SLC35F3: variants seen among roughly 807,000 people sequenced by gnomAD.
SLC35F3 encodes solute carrier family 35 member F3, also known as putative thiamine transporter SLC35F3.
In SLC35F3, 25 loss-of-function variants were observed where a neutral mutation model predicts 49.9. The ratio of observed to expected loss-of-function variants is 0.50; its 90% confidence interval spans 0.37 to 0.70. The LOEUF is 0.70. SLC35F3 is among the 30% of genes least tolerant of loss of function. The pLI is 0.00. For missense variants in SLC35F3, 525 were observed against 639.8 expected, an observed-to-expected ratio of 0.82 and a Z score of 1.94; for synonymous variants, 275 against 265.4, an observed-to-expected ratio of 1.04 and a Z score of -0.35.
At chr1:234,108,724 T>TA (rs1360932473) in intron 2 of SLC35F3, among the ~76,000 whole-genome samples, 35 of 72,044 alleles carry the variant, frequency 4.9e-4, no homozygotes, top group Middle Eastern at 6.8e-3. Context: ...AAGATATATA[T>TA]AAATATATAT....
intron 2 of SLC35F3, among the ~76,000 whole-genome samples, chr1:234,013,005 C>A (rs1663747470): frequency 6.6e-6 from 1 of 152,162 alleles, no homozygotes; most frequent in Admixed American, 6.5e-5. Context: ...ACGTACAGAA[C>A]ATTTCATCTA....
intron 3 of SLC35F3, among the ~76,000 whole-genome samples, chr1:234,261,269 C>A (rs1667900138): frequency 1.3e-5 from 2 of 152,156 alleles, no homozygotes. Flanking sequence ...AACGGCCACT[C>A]CATAGGCAGA....
intron 2 of SLC35F3, among the ~76,000 whole-genome samples, chr1:234,164,119 A>T (rs1572076848): frequency 8.0e-6 from 1 of 124,750 alleles, no homozygotes; most frequent in Non-Finnish European, 1.7e-5. Context: ...TCTCTCCTCT[A>T]CCTCTCTCTC....
At chr1:234,062,087 G>A (rs1194159947) in intron 2 of SLC35F3, among the ~76,000 whole-genome samples, 1 of 152,172 alleles carries the variant, frequency 6.6e-6, no homozygotes, top group African/African-American at 2.4e-5. Context: ...CCACTGTAGA[G>A]AACATACTGT....
At chr1:234,125,063 T>C (rs1259627112) in intron 2 of SLC35F3, among the ~76,000 whole-genome samples, 1 of 152,188 alleles carries the variant, frequency 6.6e-6, no homozygotes, top group African/African-American at 2.4e-5. Flanking sequence ...CTACTGAAAT[T>C]TGAATAGGGG....
chr1:233,940,002 A>T (rs149821196), intron 2 of SLC35F3, among the ~76,000 whole-genome samples: 150 of 152,308 alleles, frequency 9.8e-4, no homozygotes, highest in African/African-American at 3.5e-3. Flanking sequence ...ACTCCTGCTC[A>T]GTTTTCTAAA....
Position 234,195,511 on chromosome 1 carries a change from T to C in SLC35F3, c.284-35906T>C, listed in dbSNP as rs146243218. Among the ~76,000 whole-genome samples the C allele has an allele frequency of 6.3e-3, 964 of 152,334 alleles. 7 individuals carry two copies. The highest frequency in any genetic ancestry group is 0.03 in the South Asian group (147 of 4,822). On this transcript the variant is annotated intron_variant, in intron 2 of 7. Coordinates refer to ENST00000366618, the MANE Select transcript of SLC35F3 (RefSeq NM_173508.4). ...GGCCTTATCTATTGCTCTATTCTTA[T>C]AGCATCAAGCTCCTTTTCATTGTGT...
intron 2 of SLC35F3, among the ~76,000 whole-genome samples, chr1:233,958,620 T>A (rs114778962): frequency 0.031 from 4,715 of 152,288 alleles, 107 homozygotes; most frequent in South Asian, 0.049. Context: ...AGTGGGAGGA[T>A]GTGTTGTGAG....
chr1:234,123,051 T>A (rs1032282523), intron 2 of SLC35F3, among the ~76,000 whole-genome samples: 2 of 152,226 alleles, frequency 1.3e-5, no homozygotes, highest in African/African-American at 4.8e-5. Context: ...CACACTCTCT[T>A]CCACAGTGGT....
At chr1:234,025,047 C>T (rs1663956796) in intron 2 of SLC35F3, among the ~76,000 whole-genome samples, 1 of 152,164 alleles carries the variant, frequency 6.6e-6, no homozygotes, top group Admixed American at 6.5e-5. Context: ...TTTTAGCTTC[C>T]CGTTATAAGG....
At chr1:234,030,071 A>G (rs750265773) in intron 2 of SLC35F3, among the ~76,000 whole-genome samples, 3 of 152,216 alleles carry the variant, frequency 2.0e-5, no homozygotes, top group Non-Finnish European at 4.4e-5. Context: ...AATTAAATGT[A>G]GCACTCAGCT....
At chr1:234,265,564 A>G (rs1354421895) in intron 3 of SLC35F3, among the ~76,000 whole-genome samples, 1 of 151,944 alleles carries the variant, frequency 6.6e-6, no homozygotes, top group Non-Finnish European at 1.5e-5. Context: ...CATATGTAGA[A>G]ACTGACCACT....
intron 2 of SLC35F3, among the ~76,000 whole-genome samples, chr1:234,210,753 C>T (rs756700033): frequency 5.9e-5 from 9 of 152,212 alleles, no homozygotes; most frequent in Non-Finnish European, 8.8e-5. Context: ...CAGCCTGATG[C>T]AATAGAAAAT....
At chr1:234,208,319 A>C (rs1178041259) in intron 2 of SLC35F3, among the ~76,000 whole-genome samples, 1 of 152,232 alleles carries the variant, frequency 6.6e-6, no homozygotes, top group Admixed American at 6.5e-5. Flanking sequence ...GAATGAATAG[A>C]CCAGAGGCCC....
At chr1:233,938,697 G>A (rs111330183) in intron 2 of SLC35F3, among the ~76,000 whole-genome samples, 7 of 108,780 alleles carry the variant, frequency 6.4e-5, no homozygotes, top group Middle Eastern at 5.3e-3. Flanking sequence ...TGGATGGATG[G>A]ATGAATGGAT....
chr1:233,965,471 G>A (rs1662888492), intron 2 of SLC35F3, among the ~76,000 whole-genome samples: 1 of 152,140 alleles, frequency 6.6e-6, no homozygotes, highest in South Asian at 2.1e-4. Context: ...GTTCTATTAT[G>A]TAAGGTTTTG....
chr1:234,121,726 CT>C (rs1665577445), intron 2 of SLC35F3, among the ~76,000 whole-genome samples: 1 of 152,156 alleles, frequency 6.6e-6, no homozygotes, highest in South Asian at 2.1e-4. Flanking sequence ...CTCCCACCCC[CT>C]GACAGGCCCC....
At position 233,999,739 on chromosome 1, in the gene SLC35F3, C is replaced by G. The variant is rs554415749; in HGVS notation, c.283+93981C>G. The stretch of plus-strand genomic sequence containing the variant: ...CTCTGCAGCACACTCTTTCATACCT[C>G]GTATTTTCTGTTTGTGCTACCTTAC... On this transcript the variant is annotated intron_variant, in intron 2 of 7. Transcript: ENST00000366618. 6.6e-5 allele frequency among the ~76,000 whole-genome samples: 10 copies of G among 152,232 alleles called. No individual in the cohort carries two copies. The South Asian group carries it at 2.1e-3, about 32-fold the overall frequency.
chr1:234,244,889 C>T (rs567876338), intron 3 of SLC35F3, among the ~76,000 whole-genome samples: 3 of 152,206 alleles, frequency 2.0e-5, no homozygotes, highest in Non-Finnish European at 2.9e-5. Flanking sequence ...GTGTTTTTTA[C>T]ATGCATAGAC....
Sources: allele counts gnomAD v4.1 joint callset (sites outside exome capture counted in the v4.1 genomes callset), GRCh38; gene constraint gnomAD v4.1.1; transcripts MANE v1.5; gene names NCBI Gene and HGNC (gene_info 2026-07-23, HGNC 2026-07-21).